Variants in ARF1 observed in about 807,000 individuals in gnomAD.
ARF1 encodes the protein ARF GTPase 1, also known as ADP-ribosylation factor 1.
ARF1 carries 1 observed loss-of-function variant against 18.0 expected under a neutral mutation model. The observed-to-expected ratio is 0.06, with a 90% CI of 0.02 to 0.26. The LOEUF (loss-of-function observed/expected upper bound fraction) is 0.26. ARF1 is among the 10% of genes least tolerant of loss of function. The probability of loss-of-function intolerance (pLI) is 1.00; values close to 1 mark genes in which losing one functional copy is unlikely to be tolerated. For synonymous variants in ARF1, 112 were observed against 96.3 expected (o/e 1.16, Z -0.95); for missense variants, 73 against 247.2 (o/e 0.30, Z 4.73).
At chr1:228,083,296 G>T (rs978295450) in intron 1 of ARF1, 2 of 152,334 alleles carry the variant, frequency 1.3e-5, no homozygotes, top group Non-Finnish European at 2.9e-5. Flanking sequence ...GGCCTGAGAC[G>T]CCGTCAAGGT....
At chr1:228,094,179 A>G (rs867533033) in intron 1 of ARF1, among the ~76,000 whole-genome samples, 49 of 152,096 alleles carry the variant, frequency 3.2e-4, no homozygotes, top group Non-Finnish European at 4.3e-4. Context: ...GTTACTGTCA[A>G]TTCTCCCAAG....
At position 228,099,065 on chromosome 1, in the gene ARF1, G is replaced by C. The variant is rs550219266; in HGVS notation, c.*1052G>C. On this transcript the variant is annotated 3_prime_UTR_variant, in exon 5 of 5. Coordinates refer to ENST00000272102, the MANE Select transcript of ARF1 (RefSeq NM_001658.4). ...TTAAATTTATCTTGGGGAAACCTCA[G>C]AACTGGTCTATTTGGTGTCGTGGAA... 3.9e-5 allele frequency: 6 copies of C among 152,802 alleles called. No homozygotes were observed. Among genetic ancestry groups the C allele is most frequent in the South Asian group, 2.1e-4 (1 of 4,832 alleles). 9.5% of individuals were successfully genotyped at this position (152,802 alleles called of 1,614,324 possible). A position where few individuals can be genotyped will look rare whatever the true frequency, so the allele number is the denominator to read the frequency against.
chr1:228,089,015 A>G lies in ARF1; in HGVS notation c.-38+6250A>G, dbSNP rs763819892. ...CACCTGGCTGACTGGTGTGCTGAGA[A>G]CACGCAGGAGGAGGCTGGAGACGGG... On this transcript the variant is annotated intron_variant, in intron 1 of 4. Coordinates refer to ENST00000272102, the MANE Select transcript of ARF1 (RefSeq NM_001658.4). This position sits in a 1 kb window ranked among gnomAD's most constrained non-coding sequence, Gnocchi z 4.1. 6.6e-6 allele frequency among the ~76,000 whole-genome samples: 1 copy of G among 152,158 alleles called. No homozygotes were observed. The highest frequency in any genetic ancestry group is 1.5e-5 in the Non-Finnish European group (1 of 68,040).
chr1:228,083,843 G>A (rs1011576030), intron 1 of ARF1, among the ~76,000 whole-genome samples: 1 of 152,252 alleles, frequency 6.6e-6, no homozygotes, highest in Non-Finnish European at 1.5e-5. Context: ...GCCAGTTGCT[G>A]CTTTGCAGGA....
intron 1 of ARF1, among the ~76,000 whole-genome samples, chr1:228,093,230 G>A (rs149870497): frequency 1.3e-5 from 2 of 152,224 alleles, no homozygotes; most frequent in Admixed American, 6.5e-5. Flanking sequence ...AGGGACTCTG[G>A]TGGAAGAAAG....
At chr1:228,083,804 C>T (rs903943136) in intron 1 of ARF1, among the ~76,000 whole-genome samples, 4 of 152,236 alleles carry the variant, frequency 2.6e-5, no homozygotes, top group Non-Finnish European at 5.9e-5. Flanking sequence ...TCCGACGGCA[C>T]CTCCTGGCAC....
rs201883341 is a variant in ARF1 at position 228,097,130 on chromosome 1, G to A, written c.16G>A (p.Ala6Thr). 1.3e-4 allele frequency: 204 copies of A among 1,606,982 alleles called. No individual in the cohort carries two copies. Among genetic ancestry groups the A allele is most frequent in the Admixed American group, 3.0e-4 (18 of 59,488 alleles). Residue 6 changes from alanine to threonine, a missense_variant, in exon 2 of 5, where the codon GCC (alanine) becomes ACC (threonine). Ala to Thr is a moderately conservative substitution (Grantham distance 58, BLOSUM62 0). Coordinates refer to ENST00000272102, the MANE Select transcript of ARF1 (RefSeq NM_001658.4). This position sits in a 1 kb window ranked among gnomAD's most constrained non-coding sequence, Gnocchi z 8.1. ...GTCCACAAGCATGGGGAACATCTTCGCCAACCTCTTCAAGGGCCTTTTTGG... is the reference window on the plus strand; with the variant it reads ...GTCCACAAGCATGGGGAACATCTTCACCAACCTCTTCAAGGGCCTTTTTGG... The part of the protein sequence containing the change: MGNIF[A>T]NLFKGLFGKK...
intron 1 of ARF1, 92 bp from the exon 2 acceptor site, chr1:228,096,986 G>T: frequency 8.5e-7 from 1 of 1,178,524 alleles, no homozygotes; most frequent in Non-Finnish European, 1.2e-6. Context: ...CAGGAGGTGG[G>T]GTGAGGCAGT....
At chr1:228,086,647 G>A (rs1253368828) in intron 1 of ARF1, among the ~76,000 whole-genome samples, 1 of 152,210 alleles carries the variant, frequency 6.6e-6, no homozygotes, top group Non-Finnish European at 1.5e-5. Flanking sequence ...GAATGGCACA[G>A]CCAGGAGGGA....
chr1:228,086,503 G>A (rs2032405613), intron 1 of ARF1, among the ~76,000 whole-genome samples: 1 of 150,038 alleles, frequency 6.7e-6, no homozygotes, highest in African/African-American at 2.5e-5. Context: ...GCAACAGAGC[G>A]AGACTTTGTC....
In ARF1 at chr1:228,098,075, C is replaced by A. The variant is rs185819366; in HGVS notation, c.*62C>A. On this transcript the variant is annotated 3_prime_UTR_variant, in exon 5 of 5. Transcript: ENST00000272102. ...GCTTTACTCTCATGTGGCAAACGTG[C>A]GGCTCGTGGTGTGAGTGCCAGAAGC... 2 of 1,539,854 alleles carry A rather than the reference C, an allele frequency of 1.3e-6. No individual in the cohort carries two copies. The highest frequency in any genetic ancestry group is 2.5e-5 in the South Asian group (2 of 79,356).
At position 228,097,328 on chromosome 1, in the gene ARF1, C is replaced by A. The variant is rs202149186; in HGVS notation, c.149-14C>A. The A allele has an allele frequency of 6.2e-7, 1 of 1,612,886 alleles. No homozygotes were observed. The highest frequency in any genetic ancestry group is 1.3e-5 in the African/African-American group (1 of 74,904). ...GGCCAAGGTACAAGGCCTCACCCTGCATCCCGCACCCAGGCTTCAACGTGG... is the reference window on the plus strand; with the variant it reads ...GGCCAAGGTACAAGGCCTCACCCTGAATCCCGCACCCAGGCTTCAACGTGG... On this transcript the variant is annotated splice_polypyrimidine_tract_variant and intron_variant, in intron 2 of 4. Coordinates refer to ENST00000272102, the MANE Select transcript of ARF1 (RefSeq NM_001658.4). The surrounding 1 kb of genome is among the most constrained non-coding windows in gnomAD (Gnocchi z 8.1).
intron 1 of ARF1, among the ~76,000 whole-genome samples, chr1:228,087,539 A>T (rs139866128): frequency 8.1e-4 from 124 of 152,294 alleles, no homozygotes; most frequent in African/African-American, 2.8e-3. Flanking sequence ...TGGGAGGCTG[A>T]GGCAGGAGAG....
intron 1 of ARF1, among the ~76,000 whole-genome samples, chr1:228,094,610 C>G (rs2124853205): frequency 6.6e-6 from 1 of 152,114 alleles, no homozygotes; most frequent in Non-Finnish European, 1.5e-5. Flanking sequence ...GGCTGCTGCT[C>G]TCTCTCCATG....
intron 1 of ARF1, among the ~76,000 whole-genome samples, chr1:228,091,898 C>T (rs1054878776): frequency 6.6e-6 from 1 of 152,008 alleles, no homozygotes; most frequent in African/African-American, 2.4e-5. Flanking sequence ...TTAAGGACTC[C>T]CTTAAAATGA....
At chr1:228,092,102 A>G (rs917772842) in intron 1 of ARF1, among the ~76,000 whole-genome samples, 5 of 152,200 alleles carry the variant, frequency 3.3e-5, no homozygotes, top group Non-Finnish European at 7.3e-5. Context: ...TGAACTATAA[A>G]GATGTGTGTA....
chr1:228,088,484 G>A (rs920622418), intron 1 of ARF1, among the ~76,000 whole-genome samples: 1 of 151,972 alleles, frequency 6.6e-6, no homozygotes, highest in Admixed American at 6.5e-5. Flanking sequence ...CTTCATGTAG[G>A]GGAGGTCGTC....
At chr1:228,091,474 A>C (rs2032575148) in intron 1 of ARF1, among the ~76,000 whole-genome samples, 2 of 152,138 alleles carry the variant, frequency 1.3e-5, no homozygotes, top group African/African-American at 4.8e-5. Flanking sequence ...TCCCAGTGGA[A>C]CTCGCCTTCA....
At position 228,099,146 on chromosome 1, in the gene ARF1, C is replaced by A. The variant is rs1378128189; in HGVS notation, c.*1133C>A. 2 of 152,652 alleles carry A rather than the reference C, an allele frequency of 1.3e-5. No homozygotes were observed. The highest frequency in any genetic ancestry group is 4.8e-5 in the African/African-American group (2 of 41,448). 9.5% of individuals were successfully genotyped at this position (152,652 alleles called of 1,614,324 possible). A position where few individuals can be genotyped will look rare whatever the true frequency, so the allele number is the denominator to read the frequency against. On this transcript the variant is annotated 3_prime_UTR_variant, in exon 5 of 5. Transcript: ENST00000272102. ...ATCAACTGTTTTGTATACTTGTTTT[C>A]AGTTTTCATTTCGACAAACAAGCAC...
Sources: allele counts gnomAD v4.1 joint callset (sites outside exome capture counted in the v4.1 genomes callset), GRCh38; gene constraint gnomAD v4.1.1; non-coding constraint Gnocchi (gnomAD v3.1); transcripts MANE v1.5; gene names NCBI Gene and HGNC (gene_info 2026-07-23, HGNC 2026-07-21).